Variants in SOX5 observed in about 807,000 individuals in gnomAD.
The protein encoded by SOX5 is transcription factor SOX-5.
Under a neutral mutation model 92.0 loss-of-function variants are expected in SOX5, and 9 were observed. The observed-to-expected ratio is 0.10, with a 90% CI of 0.06 to 0.17. SOX5 has a LOEUF of 0.17. SOX5 is among the 10% of genes least tolerant of loss of function. SOX5 has a pLI of 1.00. For synonymous variants in SOX5, 344 were observed against 336.3 expected (o/e 1.02, Z -0.25); for missense variants, 642 against 944.5 (o/e 0.68, Z 4.20).
rs4963746 is a variant in SOX5 at position 24,103,839 on chromosome 12, A to G, written c.-2+109504T>C. Among the ~76,000 whole-genome samples the G allele has an allele frequency of 2.6e-3, 392 of 152,292 alleles. 2 individuals carry two copies. Among genetic ancestry groups the G allele is most frequent in the Non-Finnish European group, 2.8e-3 (190 of 68,014 alleles). On this transcript the variant is annotated intron_variant, in intron 4 of 4. Coordinates refer to the SOX5 transcript ENST00000446891. ...CAAGATGGAATGGAGACGTGAGTTT[A>G]GTGTAGCTCATTAACACGGTCTTCT...
At chr12:24,028,904 A>C (rs1955181093) in intron 4 of SOX5, among the ~76,000 whole-genome samples, 1 of 152,084 alleles carries the variant, frequency 6.6e-6, no homozygotes, top group Non-Finnish European at 1.5e-5. Flanking sequence ...AGTAAGAGAA[A>C]GGACATTTTA....
chr12:24,175,381 G>A (rs1348711094), intron 4 of SOX5, among the ~76,000 whole-genome samples: 1 of 152,210 alleles, frequency 6.6e-6, no homozygotes, highest in African/African-American at 2.4e-5. Flanking sequence ...TATTTGGGGT[G>A]ACAGTGTTTC....
At position 23,530,256 on chromosome 12, in the gene SOX5, A is replaced by G. The variant is rs1938687234; in HGVS notation, c.*3963T>C. On this transcript the variant is annotated 3_prime_UTR_variant, in exon 15 of 15. Coordinates refer to ENST00000451604, the MANE Select transcript of SOX5 (RefSeq NM_006940.6). ...GTTGTTTATTACAATTCAACAATTT[A>G]CCCATTAGAATGAGTGAAAGTGTAA... 1 of 152,218 alleles carries G rather than the reference A, an allele frequency of 6.6e-6. No individual in the cohort carries two copies. Among genetic ancestry groups the G allele is most frequent in the South Asian group, 2.1e-4 (1 of 4,826 alleles). The allele number at this position is 152,218 out of a possible 1,614,324, so 9.4% of individuals were successfully genotyped here. A position where few individuals can be genotyped will look rare whatever the true frequency, so the allele number is the denominator to read the frequency against.
chr12:24,508,569 G>C (rs1949017373), intron 1 of SOX5, among the ~76,000 whole-genome samples: 1 of 152,164 alleles, frequency 6.6e-6, no homozygotes, highest in South Asian at 2.1e-4. Context: ...CTGCAGCCCA[G>C]GGCATCAGTC....
chr12:23,600,405 G>A (rs994149933), intron 9 of SOX5, among the ~76,000 whole-genome samples: 1 of 151,176 alleles, frequency 6.6e-6, no homozygotes, highest in Non-Finnish European at 1.5e-5. Context: ...GAAGAGACAA[G>A]CGTATGAGTA....
intron 1 of SOX5, among the ~76,000 whole-genome samples, chr12:24,466,388 G>C (rs1372610772): frequency 6.6e-6 from 1 of 152,022 alleles, no homozygotes; most frequent in Non-Finnish European, 1.5e-5. Context: ...TGGGATTATA[G>C]ACACGAGCCA....
rs138580187 is a variant in SOX5, at chr12:24,237,587, C to CT, written c.-76-24171dup. The stretch of plus-strand genomic sequence containing the variant: ...AACTCCAAGCCTGGAAGTCGTAAGA[C>CT]TTTTTTTTTTTTTCATAAGCAACCT... On this transcript the variant is annotated intron_variant, in intron 3 of 4. Transcript: ENST00000446891. 4.9e-3 allele frequency among the ~76,000 whole-genome samples: 699 copies of CT among 142,870 alleles called. 4 individuals carry two copies. The highest frequency in any genetic ancestry group is 9.5e-3 in the African/African-American group (373 of 39,228). The allele number at this position is 142,870 out of a possible 152,430, so 93.7% of individuals were successfully genotyped here.
intron 3 of SOX5, among the ~76,000 whole-genome samples, chr12:24,269,981 A>G (rs1943513399): frequency 1.3e-5 from 2 of 151,634 alleles, no homozygotes; most frequent in East Asian, 2.0e-4. Context: ...CACCATGCCC[A>G]GCCTGGTATT....
chr12:23,553,529 A>G (rs1944599424), intron 11 of SOX5, among the ~76,000 whole-genome samples: 1 of 152,066 alleles, frequency 6.6e-6, no homozygotes, highest in South Asian at 2.1e-4. Flanking sequence ...TACATGTGGA[A>G]GAAGGGAGGC....
At chr12:23,995,654 T>C (rs1406299487) in intron 4 of SOX5, among the ~76,000 whole-genome samples, 2 of 152,170 alleles carry the variant, frequency 1.3e-5, no homozygotes, top group Non-Finnish European at 2.9e-5. Flanking sequence ...GCTACGATCA[T>C]GCCACTGCAT....
At chr12:24,479,817 C>A (rs980978993) in intron 1 of SOX5, among the ~76,000 whole-genome samples, 3 of 152,038 alleles carry the variant, frequency 2.0e-5, no homozygotes, top group Non-Finnish European at 2.9e-5. Flanking sequence ...AGGCGCCCAC[C>A]ACCATGCCTG....
intron 2 of SOX5, among the ~76,000 whole-genome samples, chr12:24,289,904 G>A (rs1490437038): frequency 6.6e-6 from 1 of 152,118 alleles, no homozygotes; most frequent in African/African-American, 2.4e-5. Context: ...TAAAAGCCTG[G>A]GGTTCCCTAA....
intron 3 of SOX5, among the ~76,000 whole-genome samples, chr12:23,758,975 C>A (rs2094486165): frequency 6.6e-6 from 1 of 151,314 alleles, no homozygotes; most frequent in Admixed American, 6.6e-5. Context: ...CTTTATAAAT[C>A]ATTCAGTCTG....
At chr12:24,053,193 T>TA (rs1453624482) in intron 4 of SOX5, among the ~76,000 whole-genome samples, 161 of 151,878 alleles carry the variant, frequency 1.1e-3, no homozygotes, top group Non-Finnish European at 2.0e-3. Context: ...CCCCCTTTTT[T>TA]TTTTTTGAGA....
At chr12:23,593,086 AAT>A (rs1951815744) in intron 9 of SOX5, among the ~76,000 whole-genome samples, 1 of 149,856 alleles carries the variant, frequency 6.7e-6, no homozygotes, top group African/African-American at 2.4e-5. Flanking sequence ...CTCAAAAATA[AAT>A]AAATAAATAA....
At chr12:24,168,174 GTAGAGT>G (rs1425023080) in intron 4 of SOX5, among the ~76,000 whole-genome samples, 1 of 152,174 alleles carries the variant, frequency 6.6e-6, no homozygotes, top group Non-Finnish European at 1.5e-5. Context: ...GTCTAAACTT[GTAGAGT>G]TAAACAGTCC....
intron 2 of SOX5, among the ~76,000 whole-genome samples, chr12:24,319,922 C>T (rs773172077): frequency 7.2e-5 from 11 of 152,178 alleles, no homozygotes; most frequent in Non-Finnish European, 1.0e-4. Context: ...TCCTGACAAA[C>T]TTAACAATTC....
chr12:24,097,568 C>A (rs1037111006), intron 4 of SOX5, among the ~76,000 whole-genome samples: 2 of 151,180 alleles, frequency 1.3e-5, no homozygotes, highest in African/African-American at 2.4e-5. Context: ...AGGTAAGGGT[C>A]ATCTTCATTC....
At chr12:23,762,055 T>C (rs1477368462) in intron 3 of SOX5, among the ~76,000 whole-genome samples, 1 of 152,092 alleles carries the variant, frequency 6.6e-6, no homozygotes, top group African/African-American at 2.4e-5. Flanking sequence ...TCAATTCATG[T>C]TGACAATAGC....
Sources: gnomAD v4.1 joint callset for allele counts (sites outside exome capture counted in the v4.1 genomes callset) on GRCh38, gnomAD v4.1.1 for gene constraint, MANE v1.5 for transcripts, NCBI Gene and HGNC (gene_info 2026-07-23, HGNC 2026-07-21) for gene names.